Variants in PAICS observed in about 807,000 individuals in gnomAD.
The protein encoded by PAICS is phosphoribosylaminoimidazole carboxylase and phosphoribosylaminoimidazolesuccinocarboxamide synthase.
A neutral mutation model predicts 53.7 loss-of-function variants in PAICS; 33 were observed. That is an observed-to-expected ratio of 0.61 (90% confidence interval 0.47 to 0.82). The LOEUF is 0.82. Among genes scored for constraint, PAICS ranks in the 40% least tolerant of loss-of-function variants. The probability of loss-of-function intolerance (pLI) is 0.00; values close to 1 mark genes in which losing one functional copy is unlikely to be tolerated. For missense variants in PAICS, 394 were observed against 494.1 expected (o/e 0.80, Z 1.92); for synonymous variants, 141 against 167.2 (o/e 0.84, Z 1.21).
At chr4:56,419,298 T>C in the PAICS span, among the ~76,000 whole-genome samples, 1,771 of 152,298 alleles carry the variant, frequency 0.012, 21 homozygotes, top group Middle Eastern at 0.041. Flanking sequence ...CATTTATATA[T>C]TGAACTTCCA....
chr4:56,455,569 T>C (rs1719151947), intron 8 of PAICS, among the ~76,000 whole-genome samples: 1 of 152,196 alleles, frequency 6.6e-6, no homozygotes, highest in Non-Finnish European at 1.5e-5. Context: ...ATTCTTGAAC[T>C]TGGGGGCAAA....
the PAICS span, chr4:56,422,904 C>T: frequency 2.0e-5 from 3 of 152,084 alleles, no homozygotes; most frequent in Non-Finnish European, 2.9e-5. Flanking sequence ...AATTCTTGGG[C>T]CCCATCCAGA....
In PAICS at chr4:56,462,992, C is replaced by T. The variant is rs960295067; in HGVS notation, c.*3454C>T. ...TCCAGCCTGGGCAACAAGAGCAAAA[C>T]TCTGTTTCAAAAAAAAAGAAAGAAA... On this transcript the variant is annotated 3_prime_UTR_variant, in exon 9 of 9. Transcript: ENST00000512576. 2 of 151,826 alleles carry T rather than the reference C, an allele frequency of 1.3e-5. No homozygotes were observed. The highest frequency in any genetic ancestry group is 3.9e-4 in the East Asian group (2 of 5,168). 9.4% of individuals were successfully genotyped at this position (151,826 alleles called of 1,614,324 possible). A position where few individuals can be genotyped will look rare whatever the true frequency, so the allele number is the denominator to read the frequency against.
Position 56,450,085 on chromosome 4 carries a change from A to C in PAICS, c.688-534A>C, listed in dbSNP as rs182353360. On this transcript the variant is annotated intron_variant, in intron 5 of 8. Transcript: ENST00000512576. ...CTAACACAGGAACGGAAAACCAAAC[A>C]CCACATGTTCTCACTCATAAGTGGG... Among the ~76,000 whole-genome samples the C allele has an allele frequency of 1.1e-3, 161 of 152,086 alleles. 2 individuals carry two copies. The East Asian group carries it at 0.019, about 18-fold the overall frequency.
chr4:56,455,714 A>G (rs1719158915), intron 8 of PAICS, among the ~76,000 whole-genome samples: 1 of 152,188 alleles, frequency 6.6e-6, no homozygotes, highest in Non-Finnish European at 1.5e-5. Flanking sequence ...TTATTACTCC[A>G]CTGTCTCCTA....
intron 2 of PAICS, among the ~76,000 whole-genome samples, chr4:56,444,761 A>G (rs1254860938): frequency 6.6e-6 from 1 of 152,136 alleles, no homozygotes; most frequent in Non-Finnish European, 1.5e-5. Context: ...TGATTACTGT[A>G]GCTTCATTAT....
chr4:56,419,713 C>T, the PAICS span: 29 of 980,202 alleles, frequency 3.0e-5, no homozygotes, highest in African/African-American at 3.5e-5. Flanking sequence ...GAAGTCAGGG[C>T]TCTAATAGAC....
At chr4:56,432,787 CAA>C (rs5858378), upstream of PAICS, among the ~76,000 whole-genome samples, 29 of 82,412 alleles carry the variant, frequency 3.5e-4, no homozygotes, top group Middle Eastern at 8.3e-3. Context: ...GACTCTGTCT[CAA>C]AAAAAAAAAA....
At chr4:56,435,807 G>A, upstream of PAICS, 2 of 1,513,508 alleles carry the variant, frequency 1.3e-6, no homozygotes, top group South Asian at 2.3e-5. Context: ...GGAAATCTCC[G>A]TTATTTTCCA....
chr4:56,439,644 ATTTCTT>A (rs1176525092), intron 1 of PAICS, among the ~76,000 whole-genome samples: 1 of 151,634 alleles, frequency 6.6e-6, no homozygotes, highest in East Asian at 1.9e-4. Context: ...AGACCAAGAC[ATTTCTT>A]TTTCTTTTCC....
At chr4:56,437,055 TG>T (rs1413361897) in intron 1 of PAICS, among the ~76,000 whole-genome samples, 1 of 150,892 alleles carries the variant, frequency 6.6e-6, no homozygotes, top group African/African-American at 2.4e-5. Context: ...TTTGATGCCA[TG>T]GTGTGTGTGT....
At chr4:56,430,257 A>T in the PAICS span, among the ~76,000 whole-genome samples, 1 of 152,196 alleles carries the variant, frequency 6.6e-6, no homozygotes, top group African/African-American at 2.4e-5. Flanking sequence ...CAGAAGTGGA[A>T]GGCAGGGTCA....
chr4:56,431,521 C>A (rs1717583745), upstream of PAICS: 3 of 980,980 alleles, frequency 3.1e-6, no homozygotes, highest in Non-Finnish European at 2.4e-6. Context: ...CAGAATGTTT[C>A]TGCAGACAGA....
the PAICS span, among the ~76,000 whole-genome samples, chr4:56,414,632 C>G: frequency 4.6e-4 from 70 of 152,322 alleles, no homozygotes; most frequent in African/African-American, 1.7e-3. Context: ...AAAAAATTAT[C>G]TGAAGAGGTT....
chr4:56,456,706 GTTTT>G (rs371211011), intron 8 of PAICS, among the ~76,000 whole-genome samples: 1 of 135,508 alleles, frequency 7.4e-6, no homozygotes, highest in African/African-American at 2.7e-5. Context: ...TGCCTCTGGG[GTTTT>G]TTTTTTTTTT....
At chr4:56,431,592 G>A (rs1328439115), upstream of PAICS, 3 of 851,688 alleles carry the variant, frequency 3.5e-6, no homozygotes, top group Non-Finnish European at 4.2e-6. Context: ...GTTTGTCATT[G>A]TAAGGTTCAA....
At chr4:56,418,242 G>A in the PAICS span, among the ~76,000 whole-genome samples, 1 of 152,178 alleles carries the variant, frequency 6.6e-6, no homozygotes, top group African/African-American at 2.4e-5. Context: ...GGTTCAGGCT[G>A]CAATGAGCAG....
the PAICS span, among the ~76,000 whole-genome samples, chr4:56,414,888 A>G: frequency 6.6e-6 from 1 of 152,228 alleles, no homozygotes; most frequent in Admixed American, 6.5e-5. Flanking sequence ...ACAACATTTT[A>G]GCCTAAAGCA....
intron 2 of PAICS, among the ~76,000 whole-genome samples, chr4:56,445,479 C>T (rs897340027): frequency 2.0e-5 from 3 of 152,004 alleles, no homozygotes; most frequent in African/African-American, 7.2e-5. Flanking sequence ...CCCAGCTACT[C>T]AGGAGGCTGA....
Sources: allele counts gnomAD v4.1 joint callset (sites outside exome capture counted in the v4.1 genomes callset), GRCh38; gene constraint gnomAD v4.1.1; transcripts MANE v1.5; gene names NCBI Gene and HGNC (gene_info 2026-07-23, HGNC 2026-07-21).